The following NUP54 variants were observed in gnomAD, a reference collection of about 807,000 sequenced individuals.
NUP54 encodes the protein nucleoporin p54.
Under a neutral mutation model 66.4 loss-of-function variants are expected in NUP54, and 27 were observed. The ratio of observed to expected loss-of-function variants is 0.41; its 90% CI spans 0.30 to 0.56. The LOEUF is 0.56. NUP54 is among the 20% of genes least tolerant of loss of function. The probability of loss-of-function intolerance (pLI) is 0.34; values close to 1 mark genes in which losing one functional copy is unlikely to be tolerated. For synonymous variants in NUP54, 206 were observed against 210.7 expected, an observed-to-expected ratio of 0.98 and a Z score of 0.19; for missense variants, 486 against 596.3, an observed-to-expected ratio of 0.82 and a Z score of 1.93.
chr4:76,124,605 CACAT>C (rs1730377484), intron 9 of NUP54, 40 bp downstream of exon 9: 1 of 802,048 alleles, frequency 1.2e-6, no homozygotes, highest in Non-Finnish European at 2.1e-6. Context: ...TTATTTCACA[CACAT>C]AGTCTTATAA....
intron 9 of NUP54, among the ~76,000 whole-genome samples, chr4:76,119,783 C>T (rs1730146351): frequency 6.6e-6 from 1 of 152,098 alleles, no homozygotes; most frequent in Non-Finnish European, 1.5e-5. Flanking sequence ...GCCCAGCTTA[C>T]TCTGTTAAAA....
intron 5 of NUP54, 91 bp from the exon 6 acceptor site, chr4:76,132,810 T>A: frequency 1.0e-6 from 1 of 960,616 alleles, no homozygotes; most frequent in Non-Finnish European, 1.5e-6. Flanking sequence ...TTCAGAAGGG[T>A]TTAAGTTGAA....
chr4:76,121,273 C>T (rs912242311), intron 9 of NUP54, among the ~76,000 whole-genome samples: 8 of 152,162 alleles, frequency 5.3e-5, no homozygotes, highest in Non-Finnish European at 1.5e-5. Context: ...TTTGTAAATT[C>T]CCTACTCTGT....
intron 3 of NUP54, among the ~76,000 whole-genome samples, chr4:76,141,860 C>T (rs1357576948): frequency 6.6e-6 from 1 of 151,714 alleles, no homozygotes; most frequent in Non-Finnish European, 1.5e-5. Context: ...CCAACTCTCA[C>T]TACTGACCCT....
chr4:76,133,567 A>G (rs1295430031), intron 5 of NUP54, among the ~76,000 whole-genome samples: 2 of 152,130 alleles, frequency 1.3e-5, no homozygotes, highest in Admixed American at 6.5e-5. Context: ...TCGGCCTCCC[A>G]AAGTGCTGGG....
chr4:76,147,826 G>C (rs1429618013), intron 1 of NUP54: 9 of 362,262 alleles, frequency 2.5e-5, no homozygotes, highest in African/African-American at 8.6e-5. Flanking sequence ...AAGCATGACG[G>C]ATAAACCCCA....
intron 1 of NUP54, 79 bp downstream of exon 1, chr4:76,148,229 G>A (rs1472675985): frequency 9.8e-7 from 1 of 1,016,128 alleles, no homozygotes; most frequent in African/African-American, 1.7e-5. Context: ...AGGATCCCCA[G>A]GTCGGAGAGT....
At chr4:76,125,336 A>ACGCGCG (rs1238783900) in intron 8 of NUP54, among the ~76,000 whole-genome samples, 5 of 127,114 alleles carry the variant, frequency 3.9e-5, no homozygotes, top group East Asian at 3.4e-4. Context: ...ACACACACAC[A>ACGCGCG]CACACACACA....
At chr4:76,124,552 T>G in intron 9 of NUP54, 97 bp downstream of exon 9, 1 of 458,840 alleles carries the variant, frequency 2.2e-6, no homozygotes. Context: ...ATTCTTTCAT[T>G]TTAGTATTTT....
At chr4:76,115,594 C>CTATTT (rs1578659157) in intron 11 of NUP54, 100 bp from the exon 12 acceptor site, 2 of 818,796 alleles carry the variant, frequency 2.4e-6, no homozygotes, top group East Asian at 5.8e-5. Flanking sequence ...TTACTAGCAA[C>CTATTT]ACAGTACCTA....
chr4:76,129,544 T>C (rs543771669), intron 8 of NUP54, among the ~76,000 whole-genome samples: 2 of 152,278 alleles, frequency 1.3e-5, no homozygotes, highest in African/African-American at 2.4e-5. Flanking sequence ...ATACACATTA[T>C]TTTCATAGGC....
rs1039690669 is a variant in NUP54 at position 76,134,261 on chromosome 4, C to G, written c.624G>C (p.Gln208His). The change falls in exon 5 of 12, where the codon CAG (glutamine) becomes CAC (histidine). Residue 208 changes from glutamine to histidine, a missense_variant. By Grantham distance (24) the Gln-to-His change is conservative. Around this residue, in one of 4 missense-constraint regions of NUP54, gnomAD observed 217 missense variants for 247.9 expected, o/e 0.88. Transcript: ENST00000264883. ...KETEIRSQQQ[Q>H]LVESLHKVLG... is the part of the protein sequence containing the mutation. ...AAACTTTATGCAATGATTCTACCAA[C>G]TGTTGTTGTTGGCTTCGAATCTCTG... The G allele has an allele frequency of 4.3e-6, 7 of 1,613,712 alleles. No individual in the cohort carries two copies. Among genetic ancestry groups the G allele is most frequent in the Non-Finnish European group, 5.1e-6 (6 of 1,179,816 alleles).
chr4:76,141,791 G>C (rs918169683), intron 3 of NUP54, among the ~76,000 whole-genome samples: 12 of 152,044 alleles, frequency 7.9e-5, no homozygotes, highest in Admixed American at 3.3e-4. Flanking sequence ...ATTGCTTAAA[G>C]GACAGCTCCT....
rs1448502845 is a variant in NUP54, at chr4:76,134,168, T to C, written c.710+7A>G. ...CAGAAATAAACAGTATATTTATGTA[T>C]ACTTACTGATCATCTGGCAATGTTT... On this transcript the variant is annotated splice_region_variant and intron_variant, in intron 5 of 11. Coordinates refer to ENST00000264883, the MANE Select transcript of NUP54 (RefSeq NM_017426.4). 2 of 1,590,524 alleles carry C rather than the reference T, an allele frequency of 1.3e-6. No individual in the cohort carries two copies. Among genetic ancestry groups the C allele is most frequent in the Non-Finnish European group, 1.7e-6 (2 of 1,159,846 alleles).
intron 1 of NUP54, among the ~76,000 whole-genome samples, chr4:76,145,317 CAAA>C (rs58518890): frequency 0.27 from 27,304 of 101,204 alleles, 2,695 homozygotes; most frequent in East Asian, 0.38. Flanking sequence ...GACTCCGTCT[CAAA>C]AAAAAAAAAA....
chr4:76,115,642 C>T (rs1729920766), intron 11 of NUP54, 148 bp from the exon 12 acceptor site: 1 of 472,754 alleles, frequency 2.1e-6, no homozygotes, highest in Non-Finnish European at 3.6e-6. Context: ...CATATTTAAA[C>T]ATTTGTACTA....
intron 4 of NUP54, among the ~76,000 whole-genome samples, chr4:76,134,625 T>TA (rs932546320): frequency 6.6e-6 from 1 of 152,120 alleles, no homozygotes; most frequent in Admixed American, 6.5e-5. Context: ...CTTTCTCCCC[T>TA]AAAAAATTTT....
At chr4:76,146,224 T>A (rs1437363024) in intron 1 of NUP54, 1 of 286,748 alleles carries the variant, frequency 3.5e-6, no homozygotes, top group Non-Finnish European at 7.0e-6. Flanking sequence ...TATTACATTA[T>A]CATAACTCAA....
Position 76,131,254 on chromosome 4 carries a change from T to G in NUP54, c.938A>C (p.Lys313Thr). 1 of 1,596,688 alleles carries G rather than the reference T, an allele frequency of 6.3e-7. No individual in the cohort carries two copies. The change falls in exon 7 of 12, where the codon AAG becomes ACG. Residue 313 changes from lysine (K) to threonine (T), a missense_variant. By Grantham distance (78) the Lys-to-Thr change is moderately conservative. Coordinates refer to ENST00000264883, the MANE Select transcript of NUP54 (RefSeq NM_017426.4). Reference protein sequence around the residue: ...GVDPIIWEQAKVDNPDSEKLI... With the variant: ...GVDPIIWEQATVDNPDSEKLI... ...CTTTTCAGAATCAGGGTTATCTACCTTGGCCTGTTCCCAGATAATAGGATC... is the reference window on the plus strand; with the variant it reads ...CTTTTCAGAATCAGGGTTATCTACCGTGGCCTGTTCCCAGATAATAGGATC...
Sources: allele counts gnomAD v4.1 joint callset (sites outside exome capture counted in the v4.1 genomes callset), GRCh38; gene constraint gnomAD v4.1.1; regional missense constraint gnomAD v4.1.1; transcripts MANE v1.5; gene names NCBI Gene and HGNC (gene_info 2026-07-23, HGNC 2026-07-21).